The following SPECC1 variants were observed in gnomAD, a reference collection of about 807,000 sequenced individuals.
SPECC1 encodes sperm antigen with calponin homology and coiled-coil domains 1, also known as cytospin-B.
In SPECC1, 62 loss-of-function variants were observed where a neutral mutation model predicts 104.1. That is an observed-to-expected ratio of 0.60 (90% CI 0.49 to 0.74). The LOEUF (loss-of-function observed/expected upper bound fraction) is 0.74, where lower values mean the gene tolerates loss of function less well. Ranked by LOEUF, SPECC1 falls within the 30% of genes least tolerant of loss-of-function variation. The pLI, the probability that SPECC1 is intolerant of heterozygous loss-of-function variation, is 0.00. For synonymous variants in SPECC1, 513 were observed against 501.6 expected, an observed-to-expected ratio of 1.02 and a Z score of -0.30; for missense variants, 1,306 against 1,310.5, an observed-to-expected ratio of 1.00 and a Z score of 0.05.
At chr17:20,049,579 C>T (rs1157501812) in intron 1 of SPECC1, among the ~76,000 whole-genome samples, 1 of 152,064 alleles carries the variant, frequency 6.6e-6, no homozygotes, top group Non-Finnish European at 1.5e-5. Context: ...GGAAAATTAA[C>T]TCTGTCTGGA....
intron 4 of SPECC1, among the ~76,000 whole-genome samples, chr17:20,223,001 T>G (rs957758819): frequency 6.6e-6 from 1 of 152,196 alleles, no homozygotes; most frequent in Non-Finnish European, 1.5e-5. Flanking sequence ...TGGGAATTTG[T>G]TTATTAAAAT....
chr17:20,086,279 T>G (rs2047173105), intron 1 of SPECC1, among the ~76,000 whole-genome samples: 1 of 152,200 alleles, frequency 6.6e-6, no homozygotes, highest in Non-Finnish European at 1.5e-5. Context: ...TCTTTCCATG[T>G]TGCCTTGATG....
chr17:20,119,844 C>T (rs1206235383), intron 3 of SPECC1, among the ~76,000 whole-genome samples: 1 of 152,196 alleles, frequency 6.6e-6, no homozygotes. Context: ...GTTGTACAGG[C>T]TGAACATCCC....
chr17:20,097,196 C>T (rs915824595), intron 2 of SPECC1, among the ~76,000 whole-genome samples: 2 of 152,192 alleles, frequency 1.3e-5, no homozygotes, highest in Non-Finnish European at 2.9e-5. Flanking sequence ...CTGTTGATTA[C>T]GCCCTTCATG....
intron 4 of SPECC1, among the ~76,000 whole-genome samples, chr17:20,217,278 TG>T (rs749687016): frequency 0.071 from 10,163 of 142,642 alleles, 498 homozygotes; most frequent in Non-Finnish European, 0.088. Flanking sequence ...TGTGTGTGTG[TG>T]TGTTTTTTTT....
chr17:20,154,901 G>T (rs996560413), intron 3 of SPECC1, among the ~76,000 whole-genome samples: 5 of 152,074 alleles, frequency 3.3e-5, no homozygotes, highest in African/African-American at 1.2e-4. Flanking sequence ...GAAAGGAGTC[G>T]AGGTTTCTGG....
Position 20,317,973 on chromosome 17 carries a change from G to C in SPECC1, c.*3908G>C, listed in dbSNP as rs1453009477. The C allele has an allele frequency of 4.4e-6, 1 of 227,444 alleles. No individual in the cohort carries two copies. The highest frequency in any genetic ancestry group is 8.7e-6 in the Non-Finnish European group (1 of 114,614). 14.1% of individuals were successfully genotyped at this position (227,444 alleles called of 1,614,324 possible). ...TTTTTAACAGAGCTCAGAGCACCAGGTGAAGGTGGAAAGTTGGCAGGAAAA... is the reference window on the plus strand; with the variant it reads ...TTTTTAACAGAGCTCAGAGCACCAGCTGAAGGTGGAAAGTTGGCAGGAAAA... On this transcript the variant is annotated 3_prime_UTR_variant, in exon 15 of 15. Coordinates refer to ENST00000395527, the MANE Select transcript of SPECC1 (RefSeq NM_001243439.2).
intron 1 of SPECC1, among the ~76,000 whole-genome samples, chr17:20,059,520 C>T (rs1033302519): frequency 6.6e-6 from 1 of 152,022 alleles, no homozygotes; most frequent in Admixed American, 6.6e-5. Context: ...ATCAACTCTG[C>T]TCTGAGGAAA....
chr17:20,094,186 G>C (rs552951055), intron 1 of SPECC1, among the ~76,000 whole-genome samples: 1 of 152,152 alleles, frequency 6.6e-6, no homozygotes, highest in Non-Finnish European at 1.5e-5. Context: ...GAGGGGGATG[G>C]ATGAGGAGCA....
intron 3 of SPECC1, among the ~76,000 whole-genome samples, chr17:20,175,009 C>G (rs1023984485): frequency 2.6e-5 from 4 of 152,124 alleles, no homozygotes; most frequent in African/African-American, 9.7e-5. Context: ...TCAGGCTCAC[C>G]CTGCAGTGTG....
At chr17:20,074,175 G>A (rs960362940) in intron 1 of SPECC1, among the ~76,000 whole-genome samples, 1 of 152,146 alleles carries the variant, frequency 6.6e-6, no homozygotes, top group Non-Finnish European at 1.5e-5. Context: ...CCCCTGGAAC[G>A]TTCTCGAGTC....
intron 12 of SPECC1, among the ~76,000 whole-genome samples, chr17:20,262,069 A>C (rs552805597): frequency 5.3e-5 from 8 of 152,346 alleles, no homozygotes; most frequent in Non-Finnish European, 1.0e-4. Flanking sequence ...AAACTATGTA[A>C]TATTTGCAGC....
At chr17:20,048,889 C>T (rs559039227) in intron 1 of SPECC1, among the ~76,000 whole-genome samples, 86 of 151,304 alleles carry the variant, frequency 5.7e-4, no homozygotes, top group African/African-American at 2.0e-3. Context: ...GAGACCCTGT[C>T]TCAGAAAAGA....
At chr17:20,131,639 CTTT>C (rs541723505) in intron 3 of SPECC1, among the ~76,000 whole-genome samples, 5 of 118,000 alleles carry the variant, frequency 4.2e-5, no homozygotes, top group African/African-American at 6.2e-5. Flanking sequence ...CAGTCTTCTT[CTTT>C]TTTTTTTTTT....
intron 1 of SPECC1, among the ~76,000 whole-genome samples, chr17:20,065,216 A>G (rs1184379372): frequency 6.6e-6 from 1 of 152,226 alleles, no homozygotes; most frequent in African/African-American, 2.4e-5. Flanking sequence ...CTATAGAAGT[A>G]GTGGACACCA....
intron 9 of SPECC1, among the ~76,000 whole-genome samples, chr17:20,248,935 C>A (rs552600371): frequency 7.2e-5 from 11 of 152,210 alleles, no homozygotes; most frequent in African/African-American, 2.2e-4. Context: ...CCCTAAATAT[C>A]TTAAGGAAGT....
rs142812083 is a variant in SPECC1 at position 20,101,643 on chromosome 17, C to T, written c.147+4845C>T. Among the ~76,000 whole-genome samples, 173 of 152,224 alleles carry T rather than the reference C, an allele frequency of 1.1e-3. 4 individuals carry two copies. In the East Asian group the frequency reaches 0.028, roughly 25 times the overall value. The stretch of plus-strand genomic sequence containing the variant: ...AGAAGAGAACCTGCAGTGTCATTTG[C>T]GAGGCCCAGGTCTATTAATTGGGGT... On this transcript the variant is annotated intron_variant, in intron 2 of 14. Coordinates refer to ENST00000395527, the MANE Select transcript of SPECC1 (RefSeq NM_001243439.2).
At chr17:20,156,124 G>C in intron 3 of SPECC1, 1 of 1,382,140 alleles carries the variant, frequency 7.2e-7, no homozygotes, top group Non-Finnish European at 9.4e-7. Context: ...GCCAGCCGGA[G>C]CCAGCGCGAG....
chr17:20,284,637 T>A (rs1329868238), intron 12 of SPECC1, among the ~76,000 whole-genome samples: 1 of 152,266 alleles, frequency 6.6e-6, no homozygotes, highest in Non-Finnish European at 1.5e-5. Context: ...AAAGTAAGTG[T>A]GATCCTCCCT....
Sources: gnomAD v4.1 joint callset for allele counts (sites outside exome capture counted in the v4.1 genomes callset) on GRCh38, gnomAD v4.1.1 for gene constraint, MANE v1.5 for transcripts, NCBI Gene and HGNC (gene_info 2026-07-23, HGNC 2026-07-21) for gene names.